KIR2DL3: variants seen among roughly 807,000 people sequenced by gnomAD.
The protein encoded by KIR2DL3 is killer cell immunoglobulin-like receptor 2DL3.
A neutral mutation model predicts 33.8 loss-of-function variants in KIR2DL3; 39 were observed. The ratio of observed to expected loss-of-function variants is 1.15; its 90% CI spans 0.89 to 1.51. The LOEUF is 1.51. KIR2DL3 is among the 40% of genes most tolerant of loss of function. The probability of loss-of-function intolerance (pLI) is 0.00; values close to 1 mark genes in which losing one functional copy is unlikely to be tolerated. For synonymous variants in KIR2DL3, 174 were observed against 160.2 expected, an observed-to-expected ratio of 1.09 and a Z score of -0.65; for missense variants, 462 against 426.2, an observed-to-expected ratio of 1.08 and a Z score of -0.74.
chr19:54,740,103 G>T (rs1381119379), intron 2 of KIR2DL3, among the ~76,000 whole-genome samples: 18 of 152,322 alleles, frequency 1.2e-4, no homozygotes, highest in Non-Finnish European at 1.3e-4. Flanking sequence ...GGCTTTTGTT[G>T]TAGGGAGACA....
intron 4 of KIR2DL3, among the ~76,000 whole-genome samples, chr19:54,746,306 T>G (rs1256486660): frequency 7.6e-6 from 1 of 132,322 alleles, no homozygotes; most frequent in Non-Finnish European, 1.7e-5. Context: ...CCATCTCAGA[T>G]GCATAGTTTG....
chr19:54,751,184 G>A (rs1479625969), intron 5 of KIR2DL3, among the ~76,000 whole-genome samples: 1 of 130,510 alleles, frequency 7.7e-6, no homozygotes, highest in African/African-American at 2.9e-5. Flanking sequence ...AGGAGGGTCT[G>A]TCTGTGCAGA....
At position 54,752,957 on chromosome 19, in the gene KIR2DL3, C is replaced by A. The variant is rs185555653; in HGVS notation, c.*438C>A. ...TCATGCTGTTCCACCTCCCCTCAGA[C>A]TAGCTTTCAGCCTTCTGTCAGCAGT... On this transcript the variant is annotated 3_prime_UTR_variant, in exon 8 of 8. Transcript: ENST00000342376. 1.3e-5 allele frequency: 3 copies of A among 231,850 alleles called. No individual in the cohort carries two copies. In the South Asian group the frequency reaches 2.4e-4, roughly 18 times the overall value. The allele number at this position is 231,850 out of a possible 1,614,324, so 14.4% of individuals were successfully genotyped here.
chr19:54,744,342 G>A (rs1162678494), intron 4 of KIR2DL3, among the ~76,000 whole-genome samples: 1 of 152,200 alleles, frequency 6.6e-6, no homozygotes, highest in South Asian at 2.1e-4. Context: ...CCAGAGGAGA[G>A]AGACTGGGCT....
At position 54,752,171 on chromosome 19, in the gene KIR2DL3, C is replaced by A. The variant is rs775792232; in HGVS notation, c.821-45C>A. 8.2e-6 allele frequency: 12 copies of A among 1,455,190 alleles called. 3 individuals carry two copies. In the South Asian group the frequency reaches 1.6e-4, roughly 19 times the overall value. 90.1% of individuals were successfully genotyped at this position (1,455,190 alleles called of 1,614,324 possible). On this transcript the variant is annotated intron_variant, in intron 6 of 7. Coordinates refer to ENST00000342376, the MANE Select transcript of KIR2DL3 (RefSeq NM_015868.3). ...GGTATCTGCTTATGAAATGAGGGCC[C>A]AGAAGTGCCCTCTGAGCTGTTTTGT...
intron 2 of KIR2DL3, among the ~76,000 whole-genome samples, chr19:54,739,962 C>T (rs2070708761): frequency 6.6e-6 from 1 of 152,154 alleles, no homozygotes; most frequent in Non-Finnish European, 1.5e-5. Flanking sequence ...CAGGCATCCG[C>T]TGATATCCAT....
chr19:54,749,169 T>C (rs2073045457), intron 5 of KIR2DL3, among the ~76,000 whole-genome samples: 1 of 150,168 alleles, frequency 6.7e-6, no homozygotes. Flanking sequence ...ACAAGACGAC[T>C]GTAGAGAGAC....
chr19:54,742,518 A>G (rs1555899140), intron 3 of KIR2DL3, among the ~76,000 whole-genome samples: 11,535 of 108,578 alleles, frequency 0.11, 1 homozygote, highest in South Asian at 0.17. Flanking sequence ...AAGAGTTAAA[A>G]GAGACAGACA....
At position 54,738,566 on chromosome 19, in the gene KIR2DL3, C is replaced by T; in HGVS notation, c.21C>T (p.Ser7=). 5.6e-6 allele frequency: 9 copies of T among 1,614,182 alleles called. No individual in the cohort carries two copies. The highest frequency in any genetic ancestry group is 7.6e-6 in the Non-Finnish European group (9 of 1,180,034). The change falls in exon 1 of 8, where the codon AGC becomes AGT. Residue 7 remains serine (S), a synonymous_variant. Transcript: ENST00000342376. Reference sequence around the variant, plus strand: ...GCACCATGTCGCTCATGGTCGTCAGCATGGTGTGTGTTGGTGAGTCCTGGA... The same window carrying T: ...GCACCATGTCGCTCATGGTCGTCAGTATGGTGTGTGTTGGTGAGTCCTGGA... The part of the protein sequence containing the change: MSLMVV[S]MVCVGFFLLQ...
chr19:54,750,668 A>G (rs1263399490), intron 5 of KIR2DL3, among the ~76,000 whole-genome samples: 3 of 137,494 alleles, frequency 2.2e-5, no homozygotes, highest in African/African-American at 8.2e-5. Flanking sequence ...ACCTGGGCTT[A>G]TGCCAATTCC....
At chr19:54,742,414 C>G (rs1428186407) in intron 3 of KIR2DL3, 135 bp downstream of exon 3, 3 of 1,293,078 alleles carry the variant, frequency 2.3e-6, no homozygotes, top group Non-Finnish European at 3.3e-6. Flanking sequence ...AGGTTTGTAC[C>G]AACAGAGACA....
chr19:54,748,829 G>A (rs562719378), intron 5 of KIR2DL3, among the ~76,000 whole-genome samples: 588 of 146,052 alleles, frequency 4.0e-3, no homozygotes, highest in African/African-American at 0.013. Context: ...GTTTCACCAC[G>A]TTGGCCAAGC....
intron 4 of KIR2DL3, among the ~76,000 whole-genome samples, chr19:54,746,481 G>C (rs1202874800): frequency 6.7e-6 from 1 of 148,150 alleles, no homozygotes; most frequent in Non-Finnish European, 1.5e-5. Context: ...CAAATGTCCT[G>C]GAGCATTTCC....
At chr19:54,741,571 T>G (rs2071118345) in intron 2 of KIR2DL3, among the ~76,000 whole-genome samples, 1 of 151,892 alleles carries the variant, frequency 6.6e-6, no homozygotes, top group Admixed American at 6.6e-5. Flanking sequence ...TGGACACTGG[T>G]GCCTGCCTTA....
chr19:54,747,458 T>C (rs1173625423), intron 5 of KIR2DL3, 73 bp downstream of exon 5: 4 of 1,524,886 alleles, frequency 2.6e-6, no homozygotes, highest in Non-Finnish European at 3.6e-6. Flanking sequence ...AGGCATTGAC[T>C]CAGCATCTCG....
At position 54,743,912 on chromosome 19, in the gene KIR2DL3, A is replaced by T. The variant is rs2071697454; in HGVS notation, c.488A>T (p.Glu163Val). The change falls in exon 4 of 8, where the codon GAG (glutamate) becomes GTG (valine). Residue 163 changes from glutamate (E) to valine (V), a missense_variant. Transcript: ENST00000342376. ...SSYDMYHLSR[E>V]GEAHERRFSA... ...TATGACATGTACCATCTATCCAGGG[A>T]GGGGGAGGCCCATGAACGTAGGTTC... 2.5e-6 allele frequency: 4 copies of T among 1,613,940 alleles called. No individual in the cohort carries two copies. The South Asian group carries it at 4.4e-5, about 18-fold the overall frequency.
chr19:54,743,873 G>A lies in KIR2DL3; in HGVS notation c.449G>A (p.Ser150Asn). The A allele has an allele frequency of 1.9e-6, 3 of 1,613,914 alleles. No individual in the cohort carries two copies. Among genetic ancestry groups the A allele is most frequent in the Non-Finnish European group, 2.5e-6 (3 of 1,179,902 alleles). Residue 150 changes from serine to asparagine, a missense_variant, in exon 4 of 8, where the codon AGC (serine) becomes AAC (asparagine). Coordinates refer to ENST00000342376, the MANE Select transcript of KIR2DL3 (RefSeq NM_015868.3). ...GGAGAGAGCGTGACCTTGTCCTGCA[G>A]CTCCCGGAGCTCCTATGACATGTAC... ...LAGESVTLSC[S>N]SRSSYDMYHL...
rs570737894 is a variant in KIR2DL3, at chr19:54,745,644, A to T, written c.664+1556A>T. Among the ~76,000 whole-genome samples, 550 of 135,900 alleles carry T rather than the reference A, an allele frequency of 4.0e-3. 5 individuals carry two copies. Among genetic ancestry groups the T allele is most frequent in the African/African-American group, 0.013 (490 of 36,648 alleles). The allele number at this position is 135,900 out of a possible 152,430, so 89.2% of individuals were successfully genotyped here. On this transcript the variant is annotated intron_variant, in intron 4 of 7. Coordinates refer to ENST00000342376, the MANE Select transcript of KIR2DL3 (RefSeq NM_015868.3). ...CTCCCAAAGTGCCGGGATTACAGGCATGATCCACCTCACCCAACCTCTTTT... is the reference window on the plus strand; with the variant it reads ...CTCCCAAAGTGCCGGGATTACAGGCTTGATCCACCTCACCCAACCTCTTTT...
At chr19:54,739,664 A>G (rs13344925) in intron 2 of KIR2DL3, 122 bp downstream of exon 2, 110,925 of 1,040,948 alleles carry the variant, frequency 0.11, 13 homozygotes, top group South Asian at 0.17. Context: ...TGGGGTGCTC[A>G]GCCCACATTT....
Sources: gnomAD v4.1 joint callset for allele counts (sites outside exome capture counted in the v4.1 genomes callset) on GRCh38, gnomAD v4.1.1 for gene constraint, MANE v1.5 for transcripts, NCBI Gene and HGNC (gene_info 2026-07-23, HGNC 2026-07-21) for gene names.